The following JAM3 variants were observed in gnomAD, a reference collection of about 807,000 sequenced individuals.
JAM3 encodes the protein junctional adhesion molecule C.
Under a neutral mutation model 39.4 loss-of-function variants are expected in JAM3, and 31 were observed. That is an observed-to-expected ratio of 0.79 (90% CI 0.59 to 1.06). The LOEUF (loss-of-function observed/expected upper bound fraction) is 1.06, where lower values mean the gene tolerates loss of function less well. Among genes scored for constraint, JAM3 ranks in the 50% least tolerant of loss-of-function variants. The pLI is 0.00. For missense variants in JAM3, 455 were observed against 391.4 expected (o/e 1.16, Z -1.37); for synonymous variants, 182 against 148.7 (o/e 1.22, Z -1.63).
chr11:134,083,674 C>G (rs191974520), intron 1 of JAM3, among the ~76,000 whole-genome samples: 3 of 151,934 alleles, frequency 2.0e-5, no homozygotes, highest in African/African-American at 7.2e-5. Context: ...AAAAAAACAC[C>G]AAAAAACCTC....
chr11:134,145,174 C>T, intron 5 of JAM3, 180 bp downstream of exon 5: 1 of 643,912 alleles, frequency 1.6e-6, no homozygotes, highest in East Asian at 2.7e-5. Context: ...CAAGTACATT[C>T]TTAGGGGGTA....
At chr11:134,090,497 T>C (rs1941828342) in intron 1 of JAM3, among the ~76,000 whole-genome samples, 1 of 152,176 alleles carries the variant, frequency 6.6e-6, no homozygotes, top group South Asian at 2.1e-4. Context: ...GAAAACTAGA[T>C]GAGAACAAAC....
Position 134,146,050 on chromosome 11 carries a change from G to A in JAM3, c.712+5G>A, listed in dbSNP as rs1244643097. On this transcript the variant is annotated splice_donor_5th_base_variant and intron_variant, in intron 6 of 8. Coordinates refer to ENST00000299106, the MANE Select transcript of JAM3 (RefSeq NM_032801.5). ...AGGAGCAGGAGATGGAAGTCTGTGA[G>A]TTTCTTTTTTGAAGAGGTTTCATCG... 1 of 1,605,132 alleles carries A rather than the reference G, an allele frequency of 6.2e-7. No individual in the cohort carries two copies. The highest frequency in any genetic ancestry group is 2.2e-5 in the East Asian group (1 of 44,826).
chr11:134,118,086 G>A (rs771632989), intron 1 of JAM3, among the ~76,000 whole-genome samples: 1 of 152,144 alleles, frequency 6.6e-6, no homozygotes, highest in Non-Finnish European at 1.5e-5. Context: ...TTCATGCCAA[G>A]GTCTTATGCT....
chr11:134,080,619 T>C (rs1366323475), intron 1 of JAM3, among the ~76,000 whole-genome samples: 2 of 152,342 alleles, frequency 1.3e-5, no homozygotes, highest in East Asian at 3.9e-4. Flanking sequence ...GCCGTGATTG[T>C]GAGGCCTCCC....
chr11:134,137,638 T>C (rs1050353905), intron 1 of JAM3, among the ~76,000 whole-genome samples: 9 of 152,076 alleles, frequency 5.9e-5, no homozygotes, highest in Non-Finnish European at 1.2e-4. Context: ...TTATGGCCAA[T>C]AGTCCCTTAG....
Position 134,144,776 on chromosome 11 carries a change from C to T in JAM3, c.410-16C>T, listed in dbSNP as rs780298997. The T allele has an allele frequency of 1.9e-6, 3 of 1,570,986 alleles. No homozygotes were observed. Among genetic ancestry groups the T allele is most frequent in the Admixed American group, 1.7e-5 (1 of 57,898 alleles). On this transcript the variant is annotated splice_polypyrimidine_tract_variant and intron_variant, in intron 4 of 8. Transcript: ENST00000299106. ...CTGTCACTGAGATCTTAAACACCAC[C>T]CCTTTTTCCCCACAGTGAAGCCAGT...
chr11:134,099,206 AT>A (rs1942033436), intron 1 of JAM3, among the ~76,000 whole-genome samples: 1 of 152,224 alleles, frequency 6.6e-6, no homozygotes, highest in African/African-American at 2.4e-5. Context: ...ATTTCAAAAA[AT>A]AAAAATAAAA....
At chr11:134,143,763 G>A (rs551818568) in intron 3 of JAM3, among the ~76,000 whole-genome samples, 3 of 152,200 alleles carry the variant, frequency 2.0e-5, no homozygotes, top group East Asian at 3.9e-4. Context: ...AGGTCATGAG[G>A]GATTTATGCT....
At chr11:134,100,482 A>C (rs1942054343) in intron 1 of JAM3, among the ~76,000 whole-genome samples, 1 of 152,204 alleles carries the variant, frequency 6.6e-6, no homozygotes, top group Non-Finnish European at 1.5e-5. Flanking sequence ...TAAAATCCCT[A>C]ATTAGACTCT....
At chr11:134,109,555 G>T (rs1288804995) in intron 1 of JAM3, among the ~76,000 whole-genome samples, 2 of 152,314 alleles carry the variant, frequency 1.3e-5, no homozygotes, top group East Asian at 3.9e-4. Context: ...TCTGAGACAG[G>T]TCTCAATCAA....
intron 1 of JAM3, among the ~76,000 whole-genome samples, chr11:134,102,255 G>T (rs1169414998): frequency 1.3e-5 from 2 of 152,144 alleles, no homozygotes; most frequent in East Asian, 3.9e-4. Context: ...GGCAAACAGG[G>T]TCTGGAGTGG....
intron 6 of JAM3, 142 bp downstream of exon 6, chr11:134,146,187 C>A: frequency 1.4e-6 from 1 of 707,402 alleles, no homozygotes. Context: ...CACCAGAACC[C>A]ACTGCACAGT....
intron 1 of JAM3, among the ~76,000 whole-genome samples, chr11:134,126,914 C>G (rs1237471611): frequency 6.6e-6 from 1 of 152,224 alleles, no homozygotes; most frequent in Non-Finnish European, 1.5e-5. Flanking sequence ...GACAGATAAA[C>G]TGGCACTGAT....
chr11:134,141,926 A>G (rs1942980316), intron 3 of JAM3, among the ~76,000 whole-genome samples: 1 of 151,620 alleles, frequency 6.6e-6, no homozygotes, highest in Middle Eastern at 3.4e-3. Context: ...AGCAGCTCCA[A>G]CACAGTCTTG....
intron 1 of JAM3, among the ~76,000 whole-genome samples, chr11:134,086,328 G>C (rs1046300288): frequency 6.6e-6 from 1 of 152,014 alleles, no homozygotes; most frequent in Non-Finnish European, 1.5e-5. Flanking sequence ...GGCTTAGTTA[G>C]ATGAGATAGC....
chr11:134,125,553 G>A (rs904087275), intron 1 of JAM3, among the ~76,000 whole-genome samples: 2 of 152,154 alleles, frequency 1.3e-5, no homozygotes, highest in African/African-American at 2.4e-5. Context: ...CCAGCTTCTG[G>A]TTTTTACTTT....
intron 1 of JAM3, among the ~76,000 whole-genome samples, chr11:134,100,516 A>T (rs2120679117): frequency 6.6e-6 from 1 of 152,294 alleles, no homozygotes; most frequent in African/African-American, 2.4e-5. Context: ...ACCACTTTTG[A>T]GTTACCACTG....
chr11:134,144,717 C>G, intron 4 of JAM3, 75 bp from the exon 5 acceptor site: 1 of 1,332,822 alleles, frequency 7.5e-7, no homozygotes, highest in Non-Finnish European at 1.1e-6. Context: ...GTCTTTGGAG[C>G]TGATTTCTTC....
Sources: gnomAD v4.1 joint callset for allele counts (sites outside exome capture counted in the v4.1 genomes callset) on GRCh38, gnomAD v4.1.1 for gene constraint, MANE v1.5 for transcripts, NCBI Gene and HGNC (gene_info 2026-07-23, HGNC 2026-07-21) for gene names.